The following HS6ST3 variants were observed in gnomAD, a reference collection of about 807,000 sequenced individuals.
HS6ST3 encodes the protein heparan sulfate 6-O-sulfotransferase 3, also known as heparan-sulfate 6-O-sulfotransferase 3.
Under a neutral mutation model 36.7 loss-of-function variants are expected in HS6ST3, and 12 were observed. That is an observed-to-expected ratio of 0.33 (90% CI 0.21 to 0.53). The LOEUF is 0.53. Among genes scored for constraint, HS6ST3 ranks in the 20% least tolerant of loss-of-function variants. The probability of loss-of-function intolerance (pLI) is 0.95; values close to 1 mark genes in which losing one functional copy is unlikely to be tolerated. For synonymous variants in HS6ST3, 240 were observed against 257.5 expected, an observed-to-expected ratio of 0.93 and a Z score of 0.65; for missense variants, 584 against 640.9, an observed-to-expected ratio of 0.91 and a Z score of 0.96.
intron 1 of HS6ST3, among the ~76,000 whole-genome samples, chr13:96,684,479 T>C (rs1422206559): frequency 6.6e-6 from 1 of 152,032 alleles, no homozygotes; most frequent in Non-Finnish European, 1.5e-5. Flanking sequence ...GCGACTTATG[T>C]GTATAATTTT....
At chr13:96,553,254 G>T (rs1266686815) in intron 1 of HS6ST3, among the ~76,000 whole-genome samples, 1 of 152,154 alleles carries the variant, frequency 6.6e-6, no homozygotes, top group African/African-American at 2.4e-5. Context: ...TTCAGCATAT[G>T]CTTACTGAGC....
rs2056272142 is a variant in HS6ST3, at chr13:96,564,000, A to G, written c.708-268490A>G. Among the ~76,000 whole-genome samples the G allele has an allele frequency of 2.0e-5, 3 of 152,214 alleles. No homozygotes were observed. The South Asian group carries it at 6.2e-4, about 32-fold the overall frequency. ...ATAATTGGTCATAGCCCCTTCAGGT[A>G]TAAATGATAATGATACATACCTACT... On this transcript the variant is annotated intron_variant, in intron 1 of 1. Transcript: ENST00000376705.
intron 1 of HS6ST3, among the ~76,000 whole-genome samples, chr13:96,136,819 T>C (rs2139314890): frequency 6.6e-6 from 1 of 151,966 alleles, no homozygotes; most frequent in African/African-American, 2.4e-5. Context: ...TTTCTTCATC[T>C]ACTTTTACTT....
intron 1 of HS6ST3, among the ~76,000 whole-genome samples, chr13:96,810,283 A>G (rs1878290019): frequency 6.6e-6 from 1 of 152,156 alleles, no homozygotes; most frequent in African/African-American, 2.4e-5. Flanking sequence ...CGTTCTTAGA[A>G]GTTTCTTATC....
chr13:96,097,054 A>G (rs1276750468), intron 1 of HS6ST3, among the ~76,000 whole-genome samples: 1 of 152,148 alleles, frequency 6.6e-6, no homozygotes, highest in Non-Finnish European at 1.5e-5. Flanking sequence ...CAAACCAACA[A>G]TATTTGCTAT....
chr13:96,106,063 T>C (rs74346584), intron 1 of HS6ST3, among the ~76,000 whole-genome samples: 2,279 of 152,264 alleles, frequency 0.015, 29 homozygotes, highest in Non-Finnish European at 0.024. Context: ...ATATAGAGGG[T>C]TCTGAAAATA....
chr13:96,093,574 TA>T (rs202192790), intron 1 of HS6ST3, among the ~76,000 whole-genome samples: 40 of 149,702 alleles, frequency 2.7e-4, no homozygotes, highest in African/African-American at 6.6e-4. Flanking sequence ...CCTTTCTTTC[TA>T]AAAAAAAAAA....
chr13:96,099,840 T>G (rs2053809336), intron 1 of HS6ST3, among the ~76,000 whole-genome samples: 1 of 152,234 alleles, frequency 6.6e-6, no homozygotes, highest in African/African-American at 2.4e-5. Flanking sequence ...ACCTGAGAGA[T>G]GGCATCTGTA....
At chr13:96,553,503 C>A (rs1215777205) in intron 1 of HS6ST3, among the ~76,000 whole-genome samples, 1 of 152,128 alleles carries the variant, frequency 6.6e-6, no homozygotes, top group Non-Finnish European at 1.5e-5. Flanking sequence ...TGGAGGAACC[C>A]TTCCTTGAGT....
At chr13:96,572,421 A>G (rs1257295418) in intron 1 of HS6ST3, among the ~76,000 whole-genome samples, 1 of 152,222 alleles carries the variant, frequency 6.6e-6, no homozygotes, top group African/African-American at 2.4e-5. Flanking sequence ...TTAATGTGCT[A>G]AAATATTTTC....
intron 1 of HS6ST3, among the ~76,000 whole-genome samples, chr13:96,692,429 T>A (rs1472310443): frequency 6.6e-6 from 1 of 152,182 alleles, no homozygotes; most frequent in Non-Finnish European, 1.5e-5. Context: ...TTTTTCCAGA[T>A]ATTTTGTATC....
chr13:96,194,407 C>T (rs2054302566), intron 1 of HS6ST3, among the ~76,000 whole-genome samples: 1 of 151,904 alleles, frequency 6.6e-6, no homozygotes, highest in Non-Finnish European at 1.5e-5. Flanking sequence ...TCTCTATTTT[C>T]TAGACTTATC....
intron 1 of HS6ST3, among the ~76,000 whole-genome samples, chr13:96,741,127 T>C (rs547381232): frequency 6.6e-6 from 1 of 152,304 alleles, no homozygotes; most frequent in Admixed American, 6.5e-5. Flanking sequence ...AATGTCTTCT[T>C]TTAGAAAAGT....
intron 1 of HS6ST3, among the ~76,000 whole-genome samples, chr13:96,294,699 T>C (rs1594745553): frequency 6.6e-6 from 1 of 152,156 alleles, no homozygotes. Context: ...TTTATATGCT[T>C]ATATAAAAAA....
intron 1 of HS6ST3, among the ~76,000 whole-genome samples, chr13:96,237,225 C>G (rs749840856): frequency 2.8e-4 from 43 of 152,178 alleles, no homozygotes; most frequent in Non-Finnish European, 5.7e-4. Context: ...CAGCTGGTGA[C>G]CTTGCCTCTT....
At chr13:96,673,105 C>T (rs951217726) in intron 1 of HS6ST3, among the ~76,000 whole-genome samples, 11 of 152,138 alleles carry the variant, frequency 7.2e-5, no homozygotes, top group Non-Finnish European at 1.3e-4. Context: ...AGCCTTCCTA[C>T]GCTGGTGGCC....
intron 1 of HS6ST3, among the ~76,000 whole-genome samples, chr13:96,473,980 T>A (rs1236098823): frequency 1.3e-5 from 2 of 152,164 alleles, no homozygotes; most frequent in Admixed American, 1.3e-4. Flanking sequence ...CCTCGCCAAA[T>A]GTGGTGAGCA....
chr13:96,785,972 A>G (rs1455854514), intron 1 of HS6ST3, among the ~76,000 whole-genome samples: 1 of 152,202 alleles, frequency 6.6e-6, no homozygotes, highest in South Asian at 2.1e-4. Context: ...AGAAACAATA[A>G]TAACAACAAA....
chr13:96,510,266 A>C (rs1173074741), intron 1 of HS6ST3, among the ~76,000 whole-genome samples: 2 of 151,976 alleles, frequency 1.3e-5, no homozygotes, highest in East Asian at 3.9e-4. Context: ...AATTTTTTTT[A>C]TCAAACCTAG....
Sources: gnomAD v4.1 joint callset for allele counts (sites outside exome capture counted in the v4.1 genomes callset) on GRCh38, gnomAD v4.1.1 for gene constraint, MANE v1.5 for transcripts, NCBI Gene and HGNC (gene_info 2026-07-23, HGNC 2026-07-21) for gene names.